The following NAV2 variants were observed in gnomAD, a reference collection of about 807,000 sequenced individuals.
NAV2 encodes the protein neuron navigator 2.
Under a neutral mutation model 223.2 loss-of-function variants are expected in NAV2, and 54 were observed. The ratio of observed to expected loss-of-function variants is 0.24; its 90% CI spans 0.19 to 0.30. The LOEUF (loss-of-function observed/expected upper bound fraction) is 0.30. NAV2 is among the 10% of genes least tolerant of loss of function. NAV2 has a pLI of 1.00. For missense variants in NAV2, 2,806 were observed against 3,147.5 expected (o/e 0.89, Z 2.60); for synonymous variants, 1,279 against 1,239.3 (o/e 1.03, Z -0.67).
At chr11:19,879,647 C>A (rs1307238437) in intron 4 of NAV2, among the ~76,000 whole-genome samples, 1 of 152,188 alleles carries the variant, frequency 6.6e-6, no homozygotes, top group Non-Finnish European at 1.5e-5. Context: ...ACCTACCAGA[C>A]ATCCAGTTGC....
At chr11:19,639,439 T>C (rs964158680) in intron 1 of NAV2, among the ~76,000 whole-genome samples, 1 of 152,242 alleles carries the variant, frequency 6.6e-6, no homozygotes, top group African/African-American at 2.4e-5. Flanking sequence ...CCAATAGTTA[T>C]ACTTTAGATC....
chr11:19,612,225 G>C (rs59089171), intron 1 of NAV2, among the ~76,000 whole-genome samples: 6,003 of 152,258 alleles, frequency 0.039, 250 homozygotes, highest in African/African-American at 0.094. Flanking sequence ...TGGCCCATGA[G>C]AGCATTTTTT....
chr11:20,005,670 G>A (rs531870002), intron 11 of NAV2, among the ~76,000 whole-genome samples: 1 of 151,932 alleles, frequency 6.6e-6, no homozygotes, highest in Non-Finnish European at 1.5e-5. Flanking sequence ...GCACTTCATT[G>A]TGCCAGGCAG....
chr11:20,111,487 G>A (rs1406133216), intron 36 of NAV2, among the ~76,000 whole-genome samples: 1 of 152,236 alleles, frequency 6.6e-6, no homozygotes, highest in African/African-American at 2.4e-5. Flanking sequence ...AAGTGAGGAG[G>A]CTTGTAAAAA....
chr11:20,097,474 G>A, intron 30 of NAV2, 103 bp from the exon 31 acceptor site: 1 of 969,908 alleles, frequency 1.0e-6, no homozygotes, highest in South Asian at 2.1e-5. Flanking sequence ...TCAGACATCT[G>A]AGAAAGAAGA....
intron 11 of NAV2, among the ~76,000 whole-genome samples, chr11:19,991,215 A>T (rs2051298863): frequency 6.6e-6 from 1 of 152,046 alleles, no homozygotes; most frequent in East Asian, 1.9e-4. Context: ...TGCAACCTCC[A>T]CCCCGGCTCA....
At chr11:19,527,166 G>A (rs1191281753) in intron 1 of NAV2, among the ~76,000 whole-genome samples, 1 of 151,994 alleles carries the variant, frequency 6.6e-6, no homozygotes, top group Admixed American at 6.6e-5. Flanking sequence ...GGAGATAACT[G>A]AATCATGAGG....
At chr11:19,701,017 T>C (rs1590112448) in intron 1 of NAV2, among the ~76,000 whole-genome samples, 2 of 152,198 alleles carry the variant, frequency 1.3e-5, no homozygotes, top group African/African-American at 2.4e-5. Context: ...CTTTGTGAAA[T>C]AGTCGTCATC....
At chr11:19,618,393 G>GATGGATGGATGGATGA (rs796800924) in intron 1 of NAV2, among the ~76,000 whole-genome samples, 671 of 19,642 alleles carry the variant, frequency 0.034, 16 homozygotes, top group South Asian at 0.14. Context: ...TGGATGGATG[G>GATGGATGGATGGATGA]ATGAATAGAT....
intron 1 of NAV2, among the ~76,000 whole-genome samples, chr11:19,526,960 G>T (rs991049484): frequency 1.3e-5 from 2 of 152,150 alleles, no homozygotes; most frequent in Non-Finnish European, 2.9e-5. Context: ...GGTCCCTGGG[G>T]TTCATGGCTC....
intron 1 of NAV2, among the ~76,000 whole-genome samples, chr11:19,519,103 G>A (rs1156983587): frequency 6.6e-6 from 1 of 152,144 alleles, no homozygotes; most frequent in Non-Finnish European, 1.5e-5. Flanking sequence ...CCAGTCTATG[G>A]TATTTTGTTA....
chr11:19,988,369 C>T (rs914151376), intron 11 of NAV2, among the ~76,000 whole-genome samples: 3 of 152,178 alleles, frequency 2.0e-5, no homozygotes, highest in African/African-American at 4.8e-5. Flanking sequence ...CGTTAGAATA[C>T]TTACTGAACT....
chr11:19,620,057 A>T (rs2046937128), intron 1 of NAV2, among the ~76,000 whole-genome samples: 1 of 152,176 alleles, frequency 6.6e-6, no homozygotes. Context: ...TTTGTCAAAG[A>T]TCAGATAGTT....
intron 1 of NAV2, among the ~76,000 whole-genome samples, chr11:19,493,204 C>G (rs906201048): frequency 6.6e-6 from 1 of 151,738 alleles, no homozygotes; most frequent in African/African-American, 2.4e-5. Context: ...GTTCTTCCCT[C>G]CCCCCATTAT....
intron 1 of NAV2, among the ~76,000 whole-genome samples, chr11:19,792,118 T>C (rs1235066889): frequency 6.6e-6 from 1 of 152,206 alleles, no homozygotes; most frequent in Admixed American, 6.5e-5. Flanking sequence ...TATACCAAAG[T>C]GGTGGTGGGA....
At chr11:19,532,775 T>C (rs1433424287) in intron 1 of NAV2, among the ~76,000 whole-genome samples, 1 of 152,162 alleles carries the variant, frequency 6.6e-6, no homozygotes, top group Non-Finnish European at 1.5e-5. Flanking sequence ...GGCAACCCCT[T>C]CTTATGACAC....
At chr11:19,691,465 A>C (rs756146729) in intron 1 of NAV2, among the ~76,000 whole-genome samples, 24 of 152,180 alleles carry the variant, frequency 1.6e-4, no homozygotes, top group Non-Finnish European at 3.4e-4. Flanking sequence ...TCAAGTCCGC[A>C]GTTGTCACAT....
At chr11:19,989,317 A>T (rs543872779) in intron 11 of NAV2, among the ~76,000 whole-genome samples, 1 of 152,322 alleles carries the variant, frequency 6.6e-6, no homozygotes, top group African/African-American at 2.4e-5. Context: ...AGGACTCGTC[A>T]TGCCATTGCC....
rs373792965 is a variant in NAV2, at chr11:19,898,552, T to G, written c.931+5958T>G. On this transcript the variant is annotated intron_variant, in intron 6 of 37. Transcript: ENST00000349880. ...CTTTCTTCCTAATAGTCACATAATA[T>G]TCCATTGTATGGATTTACCACAATA... is the stretch of plus-strand genomic sequence containing the variant. Among the ~76,000 whole-genome samples the G allele has an allele frequency of 3.9e-5, 6 of 152,222 alleles. No homozygotes were observed. The East Asian group carries it at 9.6e-4, about 24-fold the overall frequency.
Sources: gnomAD v4.1 joint callset for allele counts (sites outside exome capture counted in the v4.1 genomes callset) on GRCh38, gnomAD v4.1.1 for gene constraint, MANE v1.5 for transcripts, NCBI Gene and HGNC (gene_info 2026-07-23, HGNC 2026-07-21) for gene names.